The following AK5 variants were observed in gnomAD, a reference collection of about 807,000 sequenced individuals.
AK5 encodes the protein adenylate kinase 5.
In AK5, 27 loss-of-function variants were observed where a neutral mutation model predicts 69.5. The ratio of observed to expected loss-of-function variants is 0.39; its 90% CI spans 0.29 to 0.54. The LOEUF is 0.54. Ranked by LOEUF, AK5 falls within the 20% of genes least tolerant of loss-of-function variation. The pLI, the probability that AK5 is intolerant of heterozygous loss-of-function variation, is 0.71. For synonymous variants in AK5, 260 were observed against 244.4 expected, an observed-to-expected ratio of 1.06 and a Z score of -0.60; for missense variants, 531 against 700.4, an observed-to-expected ratio of 0.76 and a Z score of 2.73.
At chr1:77,496,222 G>A (rs1656306626) in intron 10 of AK5, among the ~76,000 whole-genome samples, 1 of 152,208 alleles carries the variant, frequency 6.6e-6, no homozygotes, top group South Asian at 2.1e-4. Context: ...GTGAGCCTAA[G>A]GCAAGGACTG....
chr1:77,401,535 A>G (rs1649216252), intron 6 of AK5, among the ~76,000 whole-genome samples: 1 of 152,168 alleles, frequency 6.6e-6, no homozygotes. Flanking sequence ...GAGGAAAAAA[A>G]TGGGAGACAG....
At chr1:77,359,594 C>T (rs1258096904) in intron 6 of AK5, among the ~76,000 whole-genome samples, 1 of 151,682 alleles carries the variant, frequency 6.6e-6, no homozygotes, top group Non-Finnish European at 1.5e-5. Context: ...TAAAACATAA[C>T]AGTAAACCAG....
At chr1:77,529,712 C>T (rs1461714732) in intron 12 of AK5, among the ~76,000 whole-genome samples, 2 of 152,154 alleles carry the variant, frequency 1.3e-5, no homozygotes, top group Non-Finnish European at 2.9e-5. Context: ...TCATACTCAA[C>T]ATCAGCCAAA....
Position 77,473,200 on chromosome 1 carries a change from G to GTTT in AK5, c.1060-10106_1060-10104dup, listed in dbSNP as rs538996435. On this transcript the variant is annotated intron_variant, in intron 8 of 13. Transcript: ENST00000354567. The stretch of plus-strand genomic sequence containing the variant: ...ATCTCAGCATTGGAAGCTTCTTGGG[G>GTTT]TTTTTTTTTTTTTGGTGTTTTGTTT... 6.2e-3 allele frequency among the ~76,000 whole-genome samples: 888 copies of GTTT among 142,862 alleles called. 10 individuals are homozygous for GTTT. Among genetic ancestry groups the GTTT allele is most frequent in the African/African-American group, 0.021 (839 of 39,240 alleles). 93.7% of individuals were successfully genotyped at this position (142,862 alleles called of 152,430 possible).
intron 12 of AK5, among the ~76,000 whole-genome samples, chr1:77,526,859 A>G (rs941419790): frequency 2.0e-5 from 3 of 151,932 alleles, no homozygotes; most frequent in Admixed American, 1.3e-4. Flanking sequence ...GATGTATAGT[A>G]AATAAATAAG....
chr1:77,547,509 T>C (rs1030740062), intron 13 of AK5, among the ~76,000 whole-genome samples: 4 of 152,114 alleles, frequency 2.6e-5, no homozygotes, highest in African/African-American at 9.7e-5. Context: ...CTTAACCTCT[T>C]GATCTGCCCG....
chr1:77,452,233 A>G (rs968134072), intron 8 of AK5, among the ~76,000 whole-genome samples: 4 of 152,138 alleles, frequency 2.6e-5, no homozygotes, highest in Non-Finnish European at 5.9e-5. Flanking sequence ...ATGTTGTTCT[A>G]TATATGTATG....
At chr1:77,416,047 AT>A (rs148096437) in intron 7 of AK5, among the ~76,000 whole-genome samples, 29 of 150,590 alleles carry the variant, frequency 1.9e-4, no homozygotes, top group East Asian at 1.8e-3. Context: ...ACATATATAG[AT>A]TTTTTTTTTA....
chr1:77,494,142 T>G (rs1465725403), intron 10 of AK5, among the ~76,000 whole-genome samples: 1 of 152,214 alleles, frequency 6.6e-6, no homozygotes, highest in Non-Finnish European at 1.5e-5. Context: ...GTAAAGGGAA[T>G]GGAGGCCTCA....
At chr1:77,534,616 C>A (rs948640638) in intron 12 of AK5, among the ~76,000 whole-genome samples, 20 of 152,160 alleles carry the variant, frequency 1.3e-4, no homozygotes, top group Admixed American at 2.0e-4. Context: ...GACTCAGATG[C>A]AGAGAAGTTG....
chr1:77,297,587 G>T lies in AK5; in HGVS notation c.444G>T (p.Gln148His). The T allele has an allele frequency of 6.2e-7, 1 of 1,611,334 alleles. No individual in the cohort carries two copies. Among genetic ancestry groups the T allele is most frequent in the Non-Finnish European group, 8.5e-7 (1 of 1,179,158 alleles). ...GTCCAGGAAGTGGAAAGGGTACTCAGAGTTTGAAAATTGCAGAACGATATG... is the reference window on the plus strand; with the variant it reads ...GTCCAGGAAGTGGAAAGGGTACTCATAGTTTGAAAATTGCAGAACGATATG... ...IGGPGSGKGT[Q>H]SLKIAERYGF... Residue 148 changes from glutamine (Q) to histidine (H), a missense_variant, in exon 4 of 14, where the codon CAG (glutamine) becomes CAT (histidine). Transcript: ENST00000354567.
At chr1:77,438,026 T>G (rs572336638) in intron 8 of AK5, among the ~76,000 whole-genome samples, 1 of 152,064 alleles carries the variant, frequency 6.6e-6, no homozygotes, top group Non-Finnish European at 1.5e-5. Flanking sequence ...TAAATTAACA[T>G]TTCCAAAAGG....
intron 5 of AK5, among the ~76,000 whole-genome samples, chr1:77,320,152 A>G (rs908913674): frequency 3.9e-5 from 6 of 152,190 alleles, no homozygotes; most frequent in Non-Finnish European, 7.3e-5. Context: ...AAGTGGGGAA[A>G]GCCCCTTAGA....
chr1:77,500,740 C>T (rs1197285930), intron 10 of AK5, among the ~76,000 whole-genome samples: 2 of 152,148 alleles, frequency 1.3e-5, no homozygotes, highest in African/African-American at 2.4e-5. Context: ...CGAGATTGCA[C>T]CACTGCACTC....
chr1:77,372,244 A>G (rs1200282717), intron 6 of AK5, among the ~76,000 whole-genome samples: 1 of 152,224 alleles, frequency 6.6e-6, no homozygotes, highest in African/African-American at 2.4e-5. Context: ...AAAATCTAAC[A>G]ACAAAAATTG....
chr1:77,531,092 C>T (rs988627479), intron 12 of AK5, among the ~76,000 whole-genome samples: 2 of 152,162 alleles, frequency 1.3e-5, no homozygotes, highest in Non-Finnish European at 2.9e-5. Context: ...TGAGTGTTAC[C>T]ATTCTTAAAG....
chr1:77,387,608 C>G (rs930777198), intron 6 of AK5, among the ~76,000 whole-genome samples: 3 of 152,192 alleles, frequency 2.0e-5, no homozygotes, highest in Non-Finnish European at 4.4e-5. Flanking sequence ...CTTGTGGATG[C>G]TTATCACTGC....
intron 6 of AK5, among the ~76,000 whole-genome samples, chr1:77,363,416 C>T (rs188670489): frequency 6.6e-6 from 1 of 152,214 alleles, no homozygotes; most frequent in Non-Finnish European, 1.5e-5. Flanking sequence ...CTGCTTTTGA[C>T]CTTGCCCTCT....
At chr1:77,512,777 A>G (rs1657422965) in intron 10 of AK5, among the ~76,000 whole-genome samples, 2 of 152,198 alleles carry the variant, frequency 1.3e-5, no homozygotes, top group Non-Finnish European at 2.9e-5. Context: ...ATGTCCAACA[A>G]TGATAGACTG....
Sources: gnomAD v4.1 joint callset for allele counts (sites outside exome capture counted in the v4.1 genomes callset) on GRCh38, gnomAD v4.1.1 for gene constraint, MANE v1.5 for transcripts, NCBI Gene and HGNC (gene_info 2026-07-23, HGNC 2026-07-21) for gene names.